The following ZBTB20 variants were observed in gnomAD, a reference collection of about 807,000 sequenced individuals.
The protein encoded by ZBTB20 is zinc finger and BTB domain containing 20.
A neutral mutation model predicts 56.9 loss-of-function variants in ZBTB20; 9 were observed. That is an observed-to-expected ratio of 0.16 (90% CI 0.10 to 0.28). The LOEUF (loss-of-function observed/expected upper bound fraction) is 0.28. ZBTB20 is among the 10% of genes least tolerant of loss of function. The pLI, the probability that ZBTB20 is intolerant of heterozygous loss-of-function variation, is 1.00. For missense variants in ZBTB20, 655 were observed against 1,003.0 expected (o/e 0.65, Z 4.69); for synonymous variants, 417 against 420.7 (o/e 0.99, Z 0.11).
At chr3:114,414,187 ACT>A (rs1469138907) in intron 7 of ZBTB20, among the ~76,000 whole-genome samples, 2 of 152,030 alleles carry the variant, frequency 1.3e-5, no homozygotes, top group Non-Finnish European at 2.9e-5. Flanking sequence ...ATTAACAGAA[ACT>A]CTTCTCTATC....
chr3:114,712,472 G>T (rs1300743325), intron 5 of ZBTB20, among the ~76,000 whole-genome samples: 2 of 151,996 alleles, frequency 1.3e-5, no homozygotes, highest in Non-Finnish European at 2.9e-5. Flanking sequence ...CCAACACAGA[G>T]AAACCTCATC....
chr3:114,912,335 T>C (rs1189606531), intron 3 of ZBTB20, among the ~76,000 whole-genome samples: 4 of 151,140 alleles, frequency 2.6e-5, no homozygotes, highest in Non-Finnish European at 5.9e-5. Flanking sequence ...GAATAAAACT[T>C]ACTGGTAAAA....
intron 7 of ZBTB20, among the ~76,000 whole-genome samples, chr3:114,413,474 G>A (rs960520542): frequency 1.3e-5 from 2 of 152,104 alleles, no homozygotes; most frequent in Non-Finnish European, 2.9e-5. Context: ...CTATCTGGAG[G>A]AAAATAACTC....
chr3:114,669,257 T>C (rs1229051272), intron 6 of ZBTB20, among the ~76,000 whole-genome samples: 1 of 152,030 alleles, frequency 6.6e-6, no homozygotes, highest in Non-Finnish European at 1.5e-5. Context: ...AGTGCCACTG[T>C]TGAAAAACCC....
Position 114,761,820 on chromosome 3 carries a change from C to T in ZBTB20, c.-343+39281G>A, listed in dbSNP as rs143641744. ...CTGCACTCTGGCCTGGGTGACAGAG[C>T]CAGACTCCATCTCAAAAAAAAAGAA... On this transcript the variant is annotated intron_variant, in intron 5 of 11. Coordinates refer to ENST00000675478, the MANE Select transcript of ZBTB20 (RefSeq NM_001348800.3). Among the ~76,000 whole-genome samples the T allele has an allele frequency of 3.3e-5, 5 of 150,632 alleles. No homozygotes were observed. In the East Asian group the frequency reaches 9.8e-4, roughly 29 times the overall value.
chr3:114,809,825 T>C (rs1157590096), intron 4 of ZBTB20, among the ~76,000 whole-genome samples: 1 of 152,256 alleles, frequency 6.6e-6, no homozygotes, highest in Non-Finnish European at 1.5e-5. Flanking sequence ...CTCTGGCTTC[T>C]GACTTTTCCC....
chr3:114,709,860 T>C (rs1445964202), intron 5 of ZBTB20, among the ~76,000 whole-genome samples: 1 of 152,216 alleles, frequency 6.6e-6, no homozygotes, highest in Non-Finnish European at 1.5e-5. Context: ...TTGTTCTCCA[T>C]CCTTGCTCCG....
chr3:114,427,738 G>A (rs760134235), intron 7 of ZBTB20, among the ~76,000 whole-genome samples: 7 of 152,212 alleles, frequency 4.6e-5, no homozygotes, highest in Admixed American at 2.0e-4. Flanking sequence ...TAATACTTGG[G>A]TGTTAATCAA....
intron 5 of ZBTB20, among the ~76,000 whole-genome samples, chr3:114,730,618 A>G (rs2065666089): frequency 1.3e-5 from 2 of 152,206 alleles, no homozygotes. Flanking sequence ...TCACAAAGAA[A>G]AGGCTGTGTA....
chr3:114,406,560 G>A (rs1008704022), intron 7 of ZBTB20, among the ~76,000 whole-genome samples: 6 of 151,990 alleles, frequency 3.9e-5, no homozygotes, highest in Admixed American at 1.3e-4. Flanking sequence ...GAGCAACTGC[G>A]CCTTACTCGA....
In ZBTB20 at chr3:114,320,682, G is replaced by A. The variant is rs1422255058; in HGVS notation, c.*18323C>T. 2.6e-5 allele frequency: 4 copies of A among 151,418 alleles called. No homozygotes were observed. In the East Asian group the frequency reaches 7.7e-4, roughly 29 times the overall value. The allele number at this position is 151,418 out of a possible 1,614,324, so 9.4% of individuals were successfully genotyped here. On this transcript the variant is annotated 3_prime_UTR_variant, in exon 12 of 12. Transcript: ENST00000675478. ...TGAACAAATTTGTTTTTATATTTTT[G>A]GTCTACAGTAGAATTACATATTAAT...
At chr3:114,642,447 G>GA (rs1194248306) in intron 6 of ZBTB20, among the ~76,000 whole-genome samples, 1 of 151,974 alleles carries the variant, frequency 6.6e-6, no homozygotes, top group African/African-American at 2.4e-5. Context: ...TGCTCAGGGT[G>GA]AAAAAAGGAA....
chr3:114,428,585 G>A (rs4580516), intron 7 of ZBTB20, among the ~76,000 whole-genome samples: 86,935 of 152,060 alleles, frequency 0.57, 27,881 homozygotes, highest in Non-Finnish European at 0.73. Context: ...GAGTCCCAGT[G>A]TCTAAGTAAG....
chr3:114,919,448 C>T (rs1240483881), intron 3 of ZBTB20, among the ~76,000 whole-genome samples: 2 of 152,114 alleles, frequency 1.3e-5, no homozygotes, highest in Non-Finnish European at 2.9e-5. Flanking sequence ...TGGCTCATGC[C>T]TGTAATCCCA....
intron 1 of ZBTB20, among the ~76,000 whole-genome samples, chr3:115,102,202 T>A (rs913428381): frequency 6.6e-6 from 1 of 152,148 alleles, no homozygotes; most frequent in Non-Finnish European, 1.5e-5. Context: ...CAGTAGTATA[T>A]CACCCTCCCA....
intron 2 of ZBTB20, among the ~76,000 whole-genome samples, chr3:115,060,295 C>T (rs1336496544): frequency 6.6e-6 from 1 of 152,122 alleles, no homozygotes; most frequent in African/African-American, 2.4e-5. Flanking sequence ...ATATAGTCTA[C>T]CTCAAAATGA....
chr3:114,424,099 A>G (rs2089436541), intron 7 of ZBTB20, among the ~76,000 whole-genome samples: 2 of 152,202 alleles, frequency 1.3e-5, no homozygotes, highest in African/African-American at 4.8e-5. Context: ...ATTTTTCTTT[A>G]CAGTTGTTAG....
intron 5 of ZBTB20, among the ~76,000 whole-genome samples, chr3:114,716,026 TA>T (rs1486039708): frequency 2.3e-4 from 35 of 152,290 alleles, no homozygotes; most frequent in African/African-American, 8.2e-4. Flanking sequence ...TTCCTGCTGA[TA>T]AACAATTATG....
chr3:114,862,478 CA>C (rs1434388038), intron 4 of ZBTB20, among the ~76,000 whole-genome samples: 1 of 151,542 alleles, frequency 6.6e-6, no homozygotes. Context: ...TAGCTCAGTT[CA>C]AAACTCGAAT....
Sources: gnomAD v4.1 joint callset for allele counts (sites outside exome capture counted in the v4.1 genomes callset) on GRCh38, gnomAD v4.1.1 for gene constraint, MANE v1.5 for transcripts, NCBI Gene and HGNC (gene_info 2026-07-23, HGNC 2026-07-21) for gene names.